Variants in CREB5 observed in about 807,000 individuals in gnomAD.
CREB5 encodes the protein cyclic AMP-responsive element-binding protein 5.
CREB5 carries 19 observed loss-of-function variants against 57.1 expected under a neutral mutation model. The observed-to-expected ratio is 0.33, with a 90% CI of 0.23 to 0.49. CREB5 has a LOEUF of 0.49. Among genes scored for constraint, CREB5 ranks in the 20% least tolerant of loss-of-function variants. The pLI is 0.99. For synonymous variants in CREB5, 238 were observed against 238.3 expected, an observed-to-expected ratio of 1.00 and a Z score of 0.01; for missense variants, 579 against 671.6, an observed-to-expected ratio of 0.86 and a Z score of 1.52.
chr7:28,340,316 G>A (rs1472331980), intron 1 of CREB5, among the ~76,000 whole-genome samples: 3 of 152,222 alleles, frequency 2.0e-5, no homozygotes, highest in African/African-American at 7.2e-5. Context: ...GGGTACTGAT[G>A]CTGATTATTT....
intron 1 of CREB5, among the ~76,000 whole-genome samples, chr7:28,384,076 C>T (rs953996499): frequency 2.6e-5 from 4 of 152,068 alleles, no homozygotes; most frequent in African/African-American, 4.8e-5. Flanking sequence ...GTGGCATTTG[C>T]ACAGACGGCC....
At chr7:28,762,377 TG>T (rs954792237) in intron 7 of CREB5, among the ~76,000 whole-genome samples, 2 of 152,206 alleles carry the variant, frequency 1.3e-5, no homozygotes, top group African/African-American at 4.8e-5. Context: ...ATATTGTGCT[TG>T]GTGGTTTGGA....
At chr7:28,306,617 G>T (rs1785193684) in intron 1 of CREB5, among the ~76,000 whole-genome samples, 1 of 116,002 alleles carries the variant, frequency 8.6e-6, no homozygotes, top group Admixed American at 1.2e-4. Flanking sequence ...CTGGAGTGCA[G>T]TGGCGGGATC....
At chr7:28,484,220 G>T (rs924046215) in intron 1 of CREB5, among the ~76,000 whole-genome samples, 7 of 152,156 alleles carry the variant, frequency 4.6e-5, no homozygotes, top group Non-Finnish European at 7.4e-5. Context: ...CCTGATGAAT[G>T]GTTAAAGAAT....
chr7:28,444,062 G>C (rs1789316276), intron 1 of CREB5, among the ~76,000 whole-genome samples: 1 of 152,100 alleles, frequency 6.6e-6, no homozygotes, highest in Non-Finnish European at 1.5e-5. Context: ...GAATTAATTT[G>C]GTGTCTTTAC....
intron 7 of CREB5, among the ~76,000 whole-genome samples, chr7:28,725,658 A>G (rs1562598240): frequency 6.6e-6 from 1 of 151,206 alleles, no homozygotes; most frequent in Non-Finnish European, 1.5e-5. Flanking sequence ...AAAAAAAAAA[A>G]AAAAGAAAGA....
At chr7:28,560,873 C>CGTGTGT in intron 4 of CREB5, among the ~76,000 whole-genome samples, 1 of 22,110 alleles carries the variant, frequency 4.5e-5, no homozygotes, top group African/African-American at 2.3e-4. Context: ...TGCCTGCGTG[C>CGTGTGT]GCGTGCGTGC....
At chr7:28,307,541 C>G (rs1476773307) in intron 1 of CREB5, among the ~76,000 whole-genome samples, 1 of 152,186 alleles carries the variant, frequency 6.6e-6, no homozygotes, top group African/African-American at 2.4e-5. Flanking sequence ...TATAAATTAC[C>G]CAGTCTAAGG....
intron 5 of CREB5, among the ~76,000 whole-genome samples, chr7:28,598,745 G>A (rs1796791367): frequency 6.6e-6 from 1 of 152,064 alleles, no homozygotes; most frequent in African/African-American, 2.4e-5. Flanking sequence ...CATTCTGTGA[G>A]GTGACCTGAT....
chr7:28,366,210 C>A (rs1381236788), intron 1 of CREB5, among the ~76,000 whole-genome samples: 1 of 152,114 alleles, frequency 6.6e-6, no homozygotes, highest in African/African-American at 2.4e-5. Context: ...GAAGTTAGAA[C>A]TTGAAAAATT....
At chr7:28,338,782 T>C (rs535274110) in intron 1 of CREB5, among the ~76,000 whole-genome samples, 1 of 152,148 alleles carries the variant, frequency 6.6e-6, no homozygotes, top group Non-Finnish European at 1.5e-5. Flanking sequence ...ATTTTCTCGA[T>C]CTGGTAGACA....
intron 5 of CREB5, among the ~76,000 whole-genome samples, chr7:28,647,221 T>C (rs572641839): frequency 7.9e-4 from 120 of 151,464 alleles, no homozygotes; most frequent in South Asian, 7.5e-3. Context: ...CACTGGCCAC[T>C]ATCACTGCTG....
chr7:28,450,194 G>T (rs996729395), intron 1 of CREB5, among the ~76,000 whole-genome samples: 2 of 152,132 alleles, frequency 1.3e-5, no homozygotes, highest in South Asian at 2.1e-4. Flanking sequence ...TTTGATTGAT[G>T]AATCCTGTTG....
chr7:28,720,549 G>A (rs894277623), intron 6 of CREB5, among the ~76,000 whole-genome samples: 2 of 152,128 alleles, frequency 1.3e-5, no homozygotes, highest in African/African-American at 4.8e-5. Context: ...AGTATAGGCA[G>A]GGGAACGGCG....
chr7:28,468,956 C>T (rs1351863674), intron 1 of CREB5, among the ~76,000 whole-genome samples: 2 of 152,218 alleles, frequency 1.3e-5, no homozygotes, highest in Non-Finnish European at 1.5e-5. Context: ...CCCACGCTCT[C>T]GACTACTATG....
intron 4 of CREB5, among the ~76,000 whole-genome samples, chr7:28,569,849 T>C (rs898617539): frequency 6.6e-6 from 1 of 152,208 alleles, no homozygotes; most frequent in African/African-American, 2.4e-5. Flanking sequence ...CACAGGTTGT[T>C]GAGCTTGTGT....
chr7:28,430,204 G>A (rs1788660569), intron 1 of CREB5, among the ~76,000 whole-genome samples: 1 of 152,200 alleles, frequency 6.6e-6, no homozygotes, highest in African/African-American at 2.4e-5. Context: ...CGATCGATGT[G>A]TGAATATGTT....
chr7:28,583,137 A>G (rs1240161187), intron 5 of CREB5, among the ~76,000 whole-genome samples: 1 of 152,208 alleles, frequency 6.6e-6, no homozygotes, highest in Non-Finnish European at 1.5e-5. Context: ...ACATATGTGA[A>G]CTTAGTTGGG....
intron 7 of CREB5, among the ~76,000 whole-genome samples, chr7:28,794,709 C>G (rs892426245): frequency 5.9e-5 from 9 of 152,018 alleles, no homozygotes; most frequent in African/African-American, 2.2e-4. Flanking sequence ...AAGAGACACC[C>G]AGCCTTCATT....
Sources: gnomAD v4.1 joint callset for allele counts (sites outside exome capture counted in the v4.1 genomes callset) on GRCh38, gnomAD v4.1.1 for gene constraint, MANE v1.5 for transcripts, NCBI Gene and HGNC (gene_info 2026-07-23, HGNC 2026-07-21) for gene names.